NFIB: variants seen among roughly 807,000 people sequenced by gnomAD.
The protein encoded by NFIB is nuclear factor 1 B-type.
A neutral mutation model predicts 61.5 loss-of-function variants in NFIB; 11 were observed. The observed-to-expected ratio is 0.18, with a 90% CI of 0.11 to 0.30. The LOEUF (loss-of-function observed/expected upper bound fraction) is 0.30, where lower values mean the gene tolerates loss of function less well. Ranked by LOEUF, NFIB falls within the 10% of genes least tolerant of loss-of-function variation. The pLI is 1.00. For missense variants in NFIB, 471 were observed against 608.9 expected (o/e 0.77, Z 2.38); for synonymous variants, 260 against 216.5 (o/e 1.20, Z -1.76).
chr9:14,396,897 C>A (rs2061692764), intron 1 of NFIB, among the ~76,000 whole-genome samples: 1 of 151,988 alleles, frequency 6.6e-6, no homozygotes, highest in Non-Finnish European at 1.5e-5. Flanking sequence ...AAGAGAGGTG[C>A]CCCAAGAATG....
intron 6 of NFIB, among the ~76,000 whole-genome samples, chr9:14,126,703 A>T (rs1252642718): frequency 6.6e-6 from 1 of 152,228 alleles, no homozygotes; most frequent in South Asian, 2.1e-4. Context: ...CTGAATGCTT[A>T]CCCTCATAGG....
chr9:14,420,290 T>C, the NFIB span, among the ~76,000 whole-genome samples: 2 of 151,520 alleles, frequency 1.3e-5, no homozygotes, highest in South Asian at 4.2e-4. Flanking sequence ...CTACTAAAAA[T>C]ACAAAAATTA....
At chr9:14,509,791 C>A in the NFIB span, among the ~76,000 whole-genome samples, 2 of 152,200 alleles carry the variant, frequency 1.3e-5, no homozygotes, top group South Asian at 4.1e-4. Flanking sequence ...GGTGAAATGG[C>A]CCTTCCTGGT....
rs73415767 is a variant in NFIB, at chr9:14,250,495, A to G, written c.562+56494T>C. 9.3e-4 allele frequency among the ~76,000 whole-genome samples: 141 copies of G among 152,320 alleles called. 2 individuals are homozygous for G. The highest frequency in any genetic ancestry group is 3.3e-3 in the African/African-American group (139 of 41,578). ...AACTTTCAGGTGTGTCCCAAGATAA[A>G]TGATACATCATTGGCTACTACATCC... On this transcript the variant is annotated intron_variant, in intron 2 of 10. Coordinates refer to ENST00000380953, the MANE Select transcript of NFIB (RefSeq NM_001190737.2).
the NFIB span, among the ~76,000 whole-genome samples, chr9:14,422,994 AT>A: frequency 3.6e-4 from 55 of 152,250 alleles, no homozygotes; most frequent in Admixed American, 2.0e-3. Flanking sequence ...ATTTTATTTC[AT>A]TTTTTAAGAG....
At chr9:14,499,923 T>C in the NFIB span, among the ~76,000 whole-genome samples, 1 of 152,192 alleles carries the variant, frequency 6.6e-6, no homozygotes, top group Non-Finnish European at 1.5e-5. Flanking sequence ...ATTTTACTCA[T>C]TCGATAATTT....
At chr9:14,502,120 T>A in the NFIB span, among the ~76,000 whole-genome samples, 1 of 152,144 alleles carries the variant, frequency 6.6e-6, no homozygotes, top group Non-Finnish European at 1.5e-5. Context: ...AATTGTGAGT[T>A]TTAGAAAGGA....
intron 1 of NFIB, among the ~76,000 whole-genome samples, chr9:14,333,949 A>G (rs141230789): frequency 6.6e-6 from 1 of 152,366 alleles, no homozygotes; most frequent in East Asian, 1.9e-4. Flanking sequence ...TTTGAACTTT[A>G]CATAAGAAAA....
At chr9:14,508,035 G>A in the NFIB span, among the ~76,000 whole-genome samples, 7 of 151,022 alleles carry the variant, frequency 4.6e-5, no homozygotes, top group East Asian at 3.9e-4. Flanking sequence ...GTGTCACACA[G>A]AAGGGACATG....
intron 10 of NFIB, among the ~76,000 whole-genome samples, chr9:14,100,838 G>A (rs1296663595): frequency 6.6e-6 from 1 of 152,214 alleles, no homozygotes; most frequent in East Asian, 1.9e-4. Context: ...CACAGAATTG[G>A]AAGTTCGCAT....
chr9:14,516,986 C>T, the NFIB span, among the ~76,000 whole-genome samples: 10 of 152,228 alleles, frequency 6.6e-5, no homozygotes, highest in African/African-American at 2.2e-4. Context: ...ATCAAGATTA[C>T]ATTAGTTTTG....
At chr9:14,425,258 C>T in the NFIB span, among the ~76,000 whole-genome samples, 4 of 152,128 alleles carry the variant, frequency 2.6e-5, no homozygotes, top group African/African-American at 9.7e-5. Context: ...CTTAGTGTCA[C>T]ACAGAACCAG....
At chr9:14,315,050 G>T (rs1443465630), upstream of NFIB, among the ~76,000 whole-genome samples, 5 of 151,968 alleles carry the variant, frequency 3.3e-5, no homozygotes, top group Admixed American at 3.3e-4. Flanking sequence ...GGCGGGCTCA[G>T]TCCGCGGAGC....
chr9:14,135,247 G>T (rs1366203576), intron 6 of NFIB, among the ~76,000 whole-genome samples: 3 of 152,052 alleles, frequency 2.0e-5, no homozygotes, highest in African/African-American at 7.2e-5. Flanking sequence ...GTTGCCTGTA[G>T]CTCCACAGAA....
intron 10 of NFIB, among the ~76,000 whole-genome samples, chr9:14,091,786 T>G (rs960034206): frequency 6.6e-6 from 1 of 151,798 alleles, no homozygotes; most frequent in Non-Finnish European, 1.5e-5. Flanking sequence ...AGAAAAGATA[T>G]AATTACTTTG....
chr9:14,406,772 C>T, the NFIB span, among the ~76,000 whole-genome samples: 1 of 152,236 alleles, frequency 6.6e-6, no homozygotes, highest in South Asian at 2.1e-4. Flanking sequence ...TGCTCTTTTC[C>T]CCTCATCTGG....
At chr9:14,190,548 G>A (rs987293776) in intron 2 of NFIB, among the ~76,000 whole-genome samples, 1 of 152,056 alleles carries the variant, frequency 6.6e-6, no homozygotes, top group Non-Finnish European at 1.5e-5. Context: ...ATGTTTTCAA[G>A]GCAAAAGTTA....
chr9:14,403,084 A>G (rs1475610063), upstream of NFIB, among the ~76,000 whole-genome samples: 1 of 152,274 alleles, frequency 6.6e-6, no homozygotes, highest in East Asian at 1.9e-4. Context: ...CAGACTCTCC[A>G]CTTATGCATT....
intron 2 of NFIB, among the ~76,000 whole-genome samples, chr9:14,269,170 C>T (rs2057423990): frequency 6.6e-6 from 1 of 152,024 alleles, no homozygotes; most frequent in South Asian, 2.1e-4. Flanking sequence ...TGAACTTTTA[C>T]TTTTTAATGT....
Sources: gnomAD v4.1 joint callset for allele counts (sites outside exome capture counted in the v4.1 genomes callset) on GRCh38, gnomAD v4.1.1 for gene constraint, MANE v1.5 for transcripts, NCBI Gene and HGNC (gene_info 2026-07-23, HGNC 2026-07-21) for gene names.